PRDM16: variants seen among roughly 807,000 people sequenced by gnomAD.
PRDM16 encodes the protein histone-lysine N-methyltransferase PRDM16.
Under a neutral mutation model 110.6 loss-of-function variants are expected in PRDM16, and 23 were observed. The ratio of observed to expected loss-of-function variants is 0.21; its 90% CI spans 0.15 to 0.29. The LOEUF is 0.29. Among genes scored for constraint, PRDM16 ranks in the 10% least tolerant of loss-of-function variants. PRDM16 has a pLI of 1.00. For synonymous variants in PRDM16, 799 were observed against 781.8 expected, an observed-to-expected ratio of 1.02 and a Z score of -0.37; for missense variants, 1,615 against 1,794.3, an observed-to-expected ratio of 0.90 and a Z score of 1.81.
intron 3 of PRDM16, among the ~76,000 whole-genome samples, chr1:3,322,709 G>A (rs1272722173): frequency 6.6e-6 from 1 of 152,192 alleles, no homozygotes; most frequent in South Asian, 2.1e-4. Flanking sequence ...ACCCTTTAAC[G>A]AGGCGCAGCG....
intron 1 of PRDM16, among the ~76,000 whole-genome samples, chr1:3,161,214 C>G (rs1643894131): frequency 6.6e-6 from 1 of 152,192 alleles, no homozygotes; most frequent in African/African-American, 2.4e-5. Flanking sequence ...TTCAAAGTTT[C>G]TCAAAAGACG....
intron 1 of PRDM16, among the ~76,000 whole-genome samples, chr1:3,142,366 C>T (rs1278907890): frequency 6.6e-6 from 1 of 152,238 alleles, no homozygotes. Flanking sequence ...GCGGTGGGGA[C>T]CGGCCCTCCC....
intron 2 of PRDM16, among the ~76,000 whole-genome samples, chr1:3,241,290 TG>T (rs1001697693): frequency 6.6e-6 from 1 of 152,196 alleles, no homozygotes; most frequent in Non-Finnish European, 1.5e-5. Flanking sequence ...GCAGGGCAGC[TG>T]GGGGGGCTCT....
In PRDM16 at chr1:3,412,557, C is replaced by T. The variant is rs774871878; in HGVS notation, c.2360C>T (p.Pro787Leu). Residue 787 changes from proline (P) to leucine (L), a missense_variant, in exon 9 of 17, where the codon CCC (proline) becomes CTC (leucine). This residue lies in a region of PRDM16 where 772 missense variants were observed against 748.3 expected (regional missense o/e 1.03). Coordinates refer to ENST00000270722, the MANE Select transcript of PRDM16 (RefSeq NM_022114.4). ...CCCAAAGACGTGAAGCCCATCCTGC[C>T]CATGCCCAAGGGCCCCTCGGCCCCC... The part of the protein sequence containing the change: ...TKPKDVKPIL[P>L]MPKGPSAPAS... The T allele has an allele frequency of 8.1e-6, 13 of 1,611,752 alleles. No individual in the cohort carries two copies. Among genetic ancestry groups the T allele is most frequent in the South Asian group, 1.1e-5 (1 of 91,086 alleles).
intron 14 of PRDM16, among the ~76,000 whole-genome samples, chr1:3,427,977 C>A (rs1638659358): frequency 6.6e-6 from 1 of 152,216 alleles, no homozygotes; most frequent in Non-Finnish European, 1.5e-5. Flanking sequence ...CCAGGCCTTA[C>A]CTACGCCCCA....
At chr1:3,154,289 G>T (rs1014700439) in intron 1 of PRDM16, among the ~76,000 whole-genome samples, 7 of 152,180 alleles carry the variant, frequency 4.6e-5, no homozygotes, top group East Asian at 1.9e-4. Flanking sequence ...GCGGCGTGGT[G>T]GGGGGGCAGG....
At position 3,357,383 on chromosome 1, in the gene PRDM16, G is replaced by A. The variant is rs551014475; in HGVS notation, c.439-27769G>A. Among the ~76,000 whole-genome samples the A allele has an allele frequency of 1.1e-4, 16 of 150,484 alleles. No individual in the cohort carries two copies. In the East Asian group the frequency reaches 2.9e-3, roughly 28 times the overall value. On this transcript the variant is annotated intron_variant, in intron 3 of 16. Coordinates refer to ENST00000270722, the MANE Select transcript of PRDM16 (RefSeq NM_022114.4). ...CCCGCCCCGAGCTGGAAAACCTTCA[G>A]CCGTGTGCTTCCCTCCTGGGTCTCC...
At chr1:3,229,710 G>C (rs894067728) in intron 2 of PRDM16, among the ~76,000 whole-genome samples, 1 of 152,082 alleles carries the variant, frequency 6.6e-6, no homozygotes, top group Non-Finnish European at 1.5e-5. Flanking sequence ...AAACCTTAAG[G>C]GTCTCTTTCT....
At chr1:3,279,210 C>T (rs903172104) in intron 3 of PRDM16, among the ~76,000 whole-genome samples, 5 of 152,250 alleles carry the variant, frequency 3.3e-5, no homozygotes, top group Admixed American at 3.3e-4. Flanking sequence ...GCGGCCTCTC[C>T]TGCCCAGGCG....
Position 3,425,450 on chromosome 1 carries a change from G to A in PRDM16, c.2940-131G>A, listed in dbSNP as rs538760510. The A allele has an allele frequency of 6.6e-5, 64 of 973,892 alleles. No individual in the cohort carries two copies. Among genetic ancestry groups the A allele is most frequent in the East Asian group, 3.1e-4 (12 of 38,560 alleles). 60.3% of individuals were successfully genotyped at this position (973,892 alleles called of 1,614,324 possible). On this transcript the variant is annotated intron_variant, in intron 12 of 16. Transcript: ENST00000270722. The surrounding 1 kb of genome is among the most constrained non-coding windows in gnomAD (Gnocchi z 6.9). ...GCAGCTGGGAGATCCAGCAACCTCC[G>A]GGACACGGCGGGGCAAAGCTGTGCA... is the stretch of plus-strand genomic sequence containing the variant.
chr1:3,362,227 C>T (rs756244810), intron 3 of PRDM16, among the ~76,000 whole-genome samples: 1 of 152,368 alleles, frequency 6.6e-6, no homozygotes, highest in Admixed American at 6.5e-5. Flanking sequence ...TTCTAGCAGA[C>T]GTGCCACCGG....
intron 3 of PRDM16, among the ~76,000 whole-genome samples, chr1:3,313,692 T>A (rs1641522407): frequency 6.6e-6 from 1 of 152,230 alleles, no homozygotes; most frequent in African/African-American, 2.4e-5. Context: ...CTTCCGCCAG[T>A]GCCGCAGTTG....
chr1:3,140,585 A>G (rs1397210801), intron 1 of PRDM16, among the ~76,000 whole-genome samples: 1 of 152,210 alleles, frequency 6.6e-6, no homozygotes, highest in Non-Finnish European at 1.5e-5. Flanking sequence ...GGAGCAATTC[A>G]TTAAGGGCTA....
intron 1 of PRDM16, among the ~76,000 whole-genome samples, chr1:3,084,872 G>A (rs1054039391): frequency 1.3e-5 from 2 of 152,202 alleles, no homozygotes; most frequent in African/African-American, 4.8e-5. Flanking sequence ...TAGCTCTCGG[G>A]TGCACACCTG....
At chr1:3,383,476 G>A (rs1643140607) in intron 3 of PRDM16, among the ~76,000 whole-genome samples, 1 of 152,196 alleles carries the variant, frequency 6.6e-6, no homozygotes, top group South Asian at 2.1e-4. Flanking sequence ...TGCTCTGGGG[G>A]CCAACTTTCC....
At chr1:3,345,380 T>C (rs1327696296) in intron 3 of PRDM16, among the ~76,000 whole-genome samples, 7 of 152,118 alleles carry the variant, frequency 4.6e-5, no homozygotes. Flanking sequence ...TGGGCCCCAC[T>C]CTTTATTATG....
At chr1:3,361,233 C>T (rs1218212783) in intron 3 of PRDM16, among the ~76,000 whole-genome samples, 2 of 152,146 alleles carry the variant, frequency 1.3e-5, no homozygotes, top group South Asian at 2.1e-4. Flanking sequence ...GCCTGTGGGC[C>T]GTCTCCCCTG....
At chr1:3,127,133 C>CG (rs781483489) in intron 1 of PRDM16, among the ~76,000 whole-genome samples, 1 of 152,234 alleles carries the variant, frequency 6.6e-6, no homozygotes, top group Non-Finnish European at 1.5e-5. Context: ...GAGGCCCAGA[C>CG]GGTCTCTTGT....
chr1:3,099,833 G>A (rs560832833), intron 1 of PRDM16, among the ~76,000 whole-genome samples: 5 of 152,324 alleles, frequency 3.3e-5, no homozygotes, highest in South Asian at 2.1e-4. Flanking sequence ...AGAGTGAACC[G>A]TCGTGGGAGT....
Sources: allele counts gnomAD v4.1 joint callset (sites outside exome capture counted in the v4.1 genomes callset), GRCh38; gene constraint gnomAD v4.1.1; regional missense constraint gnomAD v4.1.1; non-coding constraint Gnocchi (gnomAD v3.1); transcripts MANE v1.5; gene names NCBI Gene and HGNC (gene_info 2026-07-23, HGNC 2026-07-21).